Variants in PTTG1IP2 observed in about 807,000 individuals in gnomAD.
PTTG1IP2 encodes the protein PTTG1IP family member 2.
chr7:90,492,770 G>A (rs1797953293), intron 5 of PTTG1IP2, among the ~76,000 whole-genome samples: 1 of 152,130 alleles, frequency 6.6e-6, no homozygotes, highest in Admixed American at 6.5e-5. Context: ...CTCCACAAAA[G>A]CAACCCAACA....
intron 4 of PTTG1IP2, among the ~76,000 whole-genome samples, chr7:90,490,530 G>A (rs963497648): frequency 8.6e-5 from 13 of 151,696 alleles, no homozygotes; most frequent in Non-Finnish European, 2.9e-5. Context: ...CTGGCTTAGA[G>A]ATGGTCTTTT....
At chr7:90,479,086 C>G (rs1169003838) in intron 1 of PTTG1IP2, 142 bp from the exon 2 acceptor site, 1 of 152,306 alleles carries the variant, frequency 6.6e-6, no homozygotes, top group Non-Finnish European at 1.5e-5. Context: ...GATCTAGATA[C>G]ATGAAAATAA....
At chr7:90,470,963 C>CAAAAAAAAAAAAAAAAAAAAAAAA (rs5885726) in intron 1 of PTTG1IP2, among the ~76,000 whole-genome samples, 1 of 108,112 alleles carries the variant, frequency 9.2e-6, no homozygotes. Flanking sequence ...TGATGAAGAA[C>CAAAAAAAAAAAAAAAAAAAAAAAA]AAAAAAAAAA....
At chr7:90,499,919 A>G (rs552074075) in intron 6 of PTTG1IP2, among the ~76,000 whole-genome samples, 36 of 152,248 alleles carry the variant, frequency 2.4e-4, no homozygotes, top group African/African-American at 8.4e-4. Flanking sequence ...AAACATTAAA[A>G]ACAATTAGTC....
At chr7:90,483,903 G>A (rs925589442) in intron 2 of PTTG1IP2, among the ~76,000 whole-genome samples, 1 of 152,012 alleles carries the variant, frequency 6.6e-6, no homozygotes, top group Non-Finnish European at 1.5e-5. Flanking sequence ...TCACTCTTGT[G>A]CCACATCTTT....
At chr7:90,473,224 G>T (rs142715518) in intron 1 of PTTG1IP2, among the ~76,000 whole-genome samples, 1 of 152,198 alleles carries the variant, frequency 6.6e-6, no homozygotes, top group Non-Finnish European at 1.5e-5. Flanking sequence ...TATAGTGGGT[G>T]GGGTACAGAC....
intron 1 of PTTG1IP2, among the ~76,000 whole-genome samples, chr7:90,478,096 C>CAA (rs370035849): frequency 0.033 from 2,261 of 67,738 alleles, 63 homozygotes; most frequent in African/African-American, 0.052. Flanking sequence ...GACTCCGTCT[C>CAA]AAAAAAAAAA....
intron 4 of PTTG1IP2, among the ~76,000 whole-genome samples, chr7:90,491,666 G>A (rs1440291361): frequency 6.6e-6 from 1 of 151,134 alleles, no homozygotes; most frequent in African/African-American, 2.4e-5. Flanking sequence ...CCTTCATGGA[G>A]CTTATAACTT....
intron 2 of PTTG1IP2, among the ~76,000 whole-genome samples, chr7:90,481,643 T>G (rs1341304950): frequency 1.3e-5 from 2 of 152,166 alleles, no homozygotes; most frequent in Non-Finnish European, 2.9e-5. Context: ...CCTATTCTTA[T>G]CCCTCCTTTT....
intron 6 of PTTG1IP2, among the ~76,000 whole-genome samples, chr7:90,507,864 G>A (rs1174900449): frequency 2.6e-5 from 4 of 152,078 alleles, no homozygotes; most frequent in African/African-American, 9.7e-5. Flanking sequence ...TAATTCTAGA[G>A]GCGCTGTGAG....
chr7:90,507,168 C>T (rs1290066402), intron 6 of PTTG1IP2, among the ~76,000 whole-genome samples: 1 of 152,106 alleles, frequency 6.6e-6, no homozygotes, highest in Non-Finnish European at 1.5e-5. Flanking sequence ...AAAAGGTGAT[C>T]AAAATACAGT....
intron 6 of PTTG1IP2, among the ~76,000 whole-genome samples, chr7:90,504,779 C>T (rs1258750169): frequency 1.3e-5 from 2 of 152,102 alleles, no homozygotes; most frequent in African/African-American, 4.8e-5. Context: ...ATAAAGTAGC[C>T]CTATGAAACC....
At chr7:90,513,021 A>G (rs1042965126) in intron 6 of PTTG1IP2, among the ~76,000 whole-genome samples, 2 of 152,224 alleles carry the variant, frequency 1.3e-5, no homozygotes, top group African/African-American at 4.8e-5. Context: ...GGCAGAAGGA[A>G]ATAAATCGTT....
At chr7:90,501,434 G>A (rs1016938949) in intron 6 of PTTG1IP2, among the ~76,000 whole-genome samples, 2 of 152,212 alleles carry the variant, frequency 1.3e-5, no homozygotes, top group Non-Finnish European at 2.9e-5. Context: ...TTTTGGAAGC[G>A]AGGTGAGAGG....
chr7:90,475,311 G>T (rs1040263554), intron 1 of PTTG1IP2, among the ~76,000 whole-genome samples: 4 of 152,164 alleles, frequency 2.6e-5, no homozygotes, highest in African/African-American at 9.7e-5. Context: ...GGATAATTAC[G>T]CCAAGAAGTT....
chr7:90,490,205 A>T (rs1040998930), intron 4 of PTTG1IP2, among the ~76,000 whole-genome samples: 5 of 152,064 alleles, frequency 3.3e-5, no homozygotes, highest in African/African-American at 1.2e-4. Flanking sequence ...GGGAGTTCAC[A>T]GAAGGTTTGG....
chr7:90,508,501 T>G (rs17865077), intron 6 of PTTG1IP2, among the ~76,000 whole-genome samples: 7,968 of 151,956 alleles, frequency 0.052, 501 homozygotes, highest in East Asian at 0.16. Context: ...GGGGGAGGAA[T>G]CAGAATAAAC....
intron 6 of PTTG1IP2, among the ~76,000 whole-genome samples, chr7:90,512,030 C>T (rs994382085): frequency 6.6e-6 from 1 of 152,076 alleles, no homozygotes; most frequent in Non-Finnish European, 1.5e-5. Flanking sequence ...GACATAGAGT[C>T]GTTATACATG....
chr7:90,470,813 A>G (rs1451977710), intron 1 of PTTG1IP2, among the ~76,000 whole-genome samples: 3 of 152,108 alleles, frequency 2.0e-5, no homozygotes, highest in African/African-American at 7.2e-5. Flanking sequence ...ATAGTGTTCC[A>G]GTGCCATCCT....
Sources: gnomAD v4.1 joint callset for allele counts (sites outside exome capture counted in the v4.1 genomes callset) on GRCh38, gnomAD v4.1.1 for gene constraint, MANE v1.5 for transcripts, NCBI Gene and HGNC (gene_info 2026-07-23, HGNC 2026-07-21) for gene names.